The following CCT8 variants were observed in gnomAD, a reference collection of about 807,000 sequenced individuals.
CCT8 encodes the protein T-complex protein 1 subunit theta.
In CCT8, 10 loss-of-function variants were observed where a neutral mutation model predicts 65.7. The observed-to-expected ratio is 0.15, with a 90% CI of 0.09 to 0.26. The LOEUF is 0.26. Among genes scored for constraint, CCT8 ranks in the 10% least tolerant of loss-of-function variants. CCT8 has a pLI of 1.00. For synonymous variants in CCT8, 199 were observed against 221.8 expected (o/e 0.90, Z 0.92); for missense variants, 568 against 669.1 (o/e 0.85, Z 1.67).
At chr21:29,061,026 A>G (rs1293016618) in intron 13 of CCT8, among the ~76,000 whole-genome samples, 1 of 152,206 alleles carries the variant, frequency 6.6e-6, no homozygotes. Flanking sequence ...GGTTGAATCA[A>G]TGGATACAGA....
In CCT8 at chr21:29,062,114, T is replaced by C. The variant is rs777569680; in HGVS notation, c.1212+14A>G. On this transcript the variant is annotated intron_variant, in intron 11 of 14. Transcript: ENST00000286788. ...CAGACCTTACAAACTACTAAGAATA[T>C]TGCTGATACTGACCCTTGTAAGAAC... The C allele has an allele frequency of 6.6e-6, 10 of 1,516,832 alleles. No individual in the cohort carries two copies. Among genetic ancestry groups the C allele is most frequent in the South Asian group, 2.2e-5 (2 of 89,010 alleles). The allele number at this position is 1,516,832 out of a possible 1,614,324, so 94.0% of individuals were successfully genotyped here. A position where few individuals can be genotyped will look rare whatever the true frequency, so the allele number is the denominator to read the frequency against.
Position 29,062,154 on chromosome 21 carries a change from C to T in CCT8, c.1186G>A (p.Val396Ile), listed in dbSNP as rs1441147039. The T allele has an allele frequency of 4.3e-6, 7 of 1,611,412 alleles. No individual in the cohort carries two copies. In the Admixed American group the frequency reaches 8.3e-5, roughly 19 times the overall value. Residue 396 changes from valine to isoleucine, a missense_variant, in exon 11 of 15, where the codon GTT becomes ATT. Val to Ile is a conservative substitution (Grantham distance 29). Coordinates refer to ENST00000286788, the MANE Select transcript of CCT8 (RefSeq NM_006585.4). The part of the protein sequence containing the change: ...DDIERAVDDG[V>I]NTFKVLTRDK... The stretch of plus-strand genomic sequence containing the variant: ...CTTGTAAGAACTTTGAAAGTATTAA[C>T]ACCATCGTCTACTGCCCTTTCTATG...
Position 29,062,568 on chromosome 21 carries a change from A to C in CCT8, c.942-12T>G. On this transcript the variant is annotated splice_polypyrimidine_tract_variant and intron_variant, in intron 8 of 14. Transcript: ENST00000286788. Reference sequence around the variant, plus strand: ...ATTTTGAGTTTAGCCTTTAAAAAACACAAAGACCTTAATAAAAGTTTTAAT... The same window carrying C: ...ATTTTGAGTTTAGCCTTTAAAAAACCCAAAGACCTTAATAAAAGTTTTAAT... 1 of 1,608,310 alleles carries C rather than the reference A, an allele frequency of 6.2e-7. No homozygotes were observed. Among genetic ancestry groups the C allele is most frequent in the Non-Finnish European group, 8.5e-7 (1 of 1,176,068 alleles).
chr21:29,057,762 G>A (rs1368189572), intron 14 of CCT8, among the ~76,000 whole-genome samples: 1 of 95,810 alleles, frequency 1.0e-5, no homozygotes, highest in Non-Finnish European at 2.7e-5. Context: ...TGTATGATAT[G>A]AGATATATAT....
chr21:29,066,984 T>C lies in CCT8; in HGVS notation c.469A>G (p.Ile157Val), dbSNP rs905389640. The C allele has an allele frequency of 5.6e-6, 9 of 1,613,580 alleles. No individual in the cohort carries two copies. In the East Asian group the frequency reaches 1.6e-4, roughly 28 times the overall value. ...CGAAGTAGAGATGAGACTTCATCAA[T>C]ATCTCGAAGGTTTTTTGCAGAACAA... ...VCCSAKNLRD[I>V]DEVSSLLRTS... The change falls in exon 5 of 15, where the codon ATT (isoleucine) becomes GTT (valine). Residue 157 changes from isoleucine (I) to valine (V), a missense_variant. Ile to Val is a conservative substitution (Grantham distance 29). Coordinates refer to ENST00000286788, the MANE Select transcript of CCT8 (RefSeq NM_006585.4).
At chr21:29,069,143 A>T (rs1289541533) in intron 3 of CCT8, among the ~76,000 whole-genome samples, 1 of 152,220 alleles carries the variant, frequency 6.6e-6, no homozygotes, top group Non-Finnish European at 1.5e-5. Flanking sequence ...GAGTCACCCT[A>T]TAGAATGAAG....
At chr21:29,058,823 A>G (rs35416285) in intron 14 of CCT8, among the ~76,000 whole-genome samples, 57,290 of 151,764 alleles carry the variant, frequency 0.38, 12,145 homozygotes, top group South Asian at 0.53. Flanking sequence ...CAACCTCCTG[A>G]CCTCGTGATC....
In CCT8 at chr21:29,073,455, A is replaced by C. The variant is rs892526074; in HGVS notation, c.60+76T>G. On this transcript the variant is annotated intron_variant, in intron 1 of 14. Transcript: ENST00000286788. ...AGGGCAGCACGCTCAGCCCGTTAGT[A>C]GGCCCTCCTACTTCGCCGCGGCCGC... 18 of 1,607,462 alleles carry C rather than the reference A, an allele frequency of 1.1e-5. No homozygotes were observed. In the African/African-American group the frequency reaches 2.0e-4, roughly 18 times the overall value.
intron 3 of CCT8, among the ~76,000 whole-genome samples, chr21:29,068,346 GATC>G (rs2085646042): frequency 6.6e-6 from 1 of 152,132 alleles, no homozygotes; most frequent in Non-Finnish European, 1.5e-5. Flanking sequence ...TAACTCCTGA[GATC>G]ATCAGTGTGC....
intron 3 of CCT8, among the ~76,000 whole-genome samples, chr21:29,068,522 C>T (rs1275809486): frequency 6.6e-6 from 1 of 151,870 alleles, no homozygotes; most frequent in East Asian, 1.9e-4. Context: ...TGCAGTGGCG[C>T]GATCTTGGCT....
rs756835717 is a variant in CCT8 at position 29,066,936 on chromosome 21, A to G, written c.517T>C (p.Tyr173His). The change falls in exon 5 of 15, where the codon TAT becomes CAT. Residue 173 changes from tyrosine to histidine, a missense_variant. Tyr to His is a moderately conservative substitution (Grantham distance 83). Transcript: ENST00000286788. ...TTGGCCAGAAATACTTCATTACCAT[A>G]TTGTTTACTCATTATGGAGGTACGA... ...LLRTSIMSKQYGNEVFLAKLI... is the reference protein window; with the variant it reads ...LLRTSIMSKQHGNEVFLAKLI... 32 of 1,612,834 alleles carry G rather than the reference A, an allele frequency of 2.0e-5. No homozygotes were observed. The highest frequency in any genetic ancestry group is 2.7e-5 in the Non-Finnish European group (32 of 1,179,310).
intron 7 of CCT8, among the ~76,000 whole-genome samples, chr21:29,064,754 C>T (rs1368128394): frequency 1.3e-5 from 2 of 152,132 alleles, no homozygotes; most frequent in Non-Finnish European, 2.9e-5. Flanking sequence ...GGCTGTGTGT[C>T]AGATTATAAA....
chr21:29,061,996 A>C, intron 11 of CCT8, 132 bp downstream of exon 11: 1 of 651,646 alleles, frequency 1.5e-6, no homozygotes, highest in Non-Finnish European at 2.7e-6. Context: ...AAAAACAAAA[A>C]CAGGTGCTTC....
chr21:29,061,662 CCCA>C (rs2085565887), intron 11 of CCT8, 95 bp from the exon 12 acceptor site: 3 of 1,182,444 alleles, frequency 2.5e-6, no homozygotes, highest in Non-Finnish European at 3.7e-6. Context: ...ATTCCAGTAC[CCCA>C]CCAAACAGGA....
intron 1 of CCT8, 194 bp downstream of exon 1, chr21:29,073,337 C>A: frequency 7.0e-7 from 1 of 1,419,980 alleles, no homozygotes; most frequent in Non-Finnish European, 9.2e-7. Flanking sequence ...CTCCCGGTCG[C>A]GGAAGAAGAG....
Position 29,066,871 on chromosome 21 carries a change from A to C in CCT8, c.562+20T>G. 1 of 1,591,048 alleles carries C rather than the reference A, an allele frequency of 6.3e-7. No individual in the cohort carries two copies. The highest frequency in any genetic ancestry group is 1.4e-5 in the African/African-American group (1 of 74,024). On this transcript the variant is annotated intron_variant, in intron 5 of 14. Coordinates refer to ENST00000286788, the MANE Select transcript of CCT8 (RefSeq NM_006585.4). Reference sequence around the variant, plus strand: ...AGGTATTTTTATTTTGGATCTTTTCATTTACTGATATTTACTTACCGCATG... The same window carrying C: ...AGGTATTTTTATTTTGGATCTTTTCCTTTACTGATATTTACTTACCGCATG...
chr21:29,061,085 A>G (rs935655730), intron 13 of CCT8, among the ~76,000 whole-genome samples, 168 bp downstream of exon 13: 3 of 152,228 alleles, frequency 2.0e-5, no homozygotes, highest in African/African-American at 7.2e-5. Context: ...ATAAAACAGA[A>G]GGAAAATGAA....
chr21:29,069,786 T>C (rs1011953785), intron 2 of CCT8, among the ~76,000 whole-genome samples: 1 of 152,204 alleles, frequency 6.6e-6, no homozygotes. Context: ...GTTTGCAACA[T>C]GACTGTCATG....
intron 14 of CCT8, 58 bp downstream of exon 14, chr21:29,060,483 T>C (rs1483806903): frequency 5.8e-6 from 9 of 1,548,066 alleles, no homozygotes; most frequent in African/African-American, 1.4e-5. Flanking sequence ...TGGGAAAATA[T>C]ACTATTAAAC....
Sources: allele counts gnomAD v4.1 joint callset (sites outside exome capture counted in the v4.1 genomes callset), GRCh38; gene constraint gnomAD v4.1.1; transcripts MANE v1.5; gene names NCBI Gene and HGNC (gene_info 2026-07-23, HGNC 2026-07-21).